The following ADGRA2 variants were observed in gnomAD, a reference collection of about 807,000 sequenced individuals.
ADGRA2 encodes the protein adhesion G protein-coupled receptor A2, also known as G-protein coupled receptor 124.
A neutral mutation model predicts 98.7 loss-of-function variants in ADGRA2; 61 were observed. The observed-to-expected ratio is 0.62, with a 90% CI of 0.50 to 0.76. The LOEUF (loss-of-function observed/expected upper bound fraction) is 0.76. ADGRA2 is among the 30% of genes least tolerant of loss of function. The pLI is 0.00. For missense variants in ADGRA2, 1,712 were observed against 1,860.0 expected (o/e 0.92, Z 1.46); for synonymous variants, 858 against 831.5 (o/e 1.03, Z -0.55).
rs1388423431 is a variant in ADGRA2, at chr8:37,797,096, A to T, written c.-173A>T. 1 of 293,796 alleles carries T rather than the reference A, an allele frequency of 3.4e-6. No individual in the cohort carries two copies. The highest frequency in any genetic ancestry group is 5.7e-6 in the Non-Finnish European group (1 of 174,712). 18.2% of individuals were successfully genotyped at this position (293,796 alleles called of 1,614,324 possible). A position where few individuals can be genotyped will look rare whatever the true frequency, so the allele number is the denominator to read the frequency against. ...CTCCCCGCCGGGGCGCTCGCAGGAC[A>T]TGCCCCCGGGGCGCGGCGGCGGGGA... On this transcript the variant is annotated 5_prime_UTR_variant, in exon 1 of 19. The change abolishes an upstream ATG in the 5' untranslated region. Transcript: ENST00000412232. The surrounding 1 kb of genome is among the most constrained non-coding windows in gnomAD (Gnocchi z 5.3).
intron 2 of ADGRA2, among the ~76,000 whole-genome samples, chr8:37,824,207 T>G (rs368305726): frequency 6.6e-6 from 1 of 152,040 alleles, no homozygotes; most frequent in East Asian, 1.9e-4. Flanking sequence ...AATTTTTGTA[T>G]TTTTAGTAGA....
In ADGRA2 at chr8:37,839,109, C is replaced by T. The variant is rs116703180; in HGVS notation, c.2387+26C>T. ...GTGGGTGCTCCTGCAGGAGGGAGGG[C>T]GTGGTGGGCAGGCATGGAAGGGGCC... On this transcript the variant is annotated intron_variant, in intron 15 of 18. Coordinates refer to ENST00000412232, the MANE Select transcript of ADGRA2 (RefSeq NM_032777.10). 1.5e-3 allele frequency: 2,409 copies of T among 1,605,802 alleles called. 28 individuals carry two copies. In the African/African-American group the frequency reaches 0.028, roughly 19 times the overall value.
chr8:37,842,554 A>G lies in ADGRA2; in HGVS notation c.*199A>G. The G allele has an allele frequency of 1.1e-6, 1 of 913,204 alleles. No individual in the cohort carries two copies. Among genetic ancestry groups the G allele is most frequent in the African/African-American group, 1.7e-5 (1 of 57,252 alleles). 56.6% of individuals were successfully genotyped at this position (913,204 alleles called of 1,614,324 possible). A position where few individuals can be genotyped will look rare whatever the true frequency, so the allele number is the denominator to read the frequency against. On this transcript the variant is annotated 3_prime_UTR_variant, in exon 19 of 19. Coordinates refer to ENST00000412232, the MANE Select transcript of ADGRA2 (RefSeq NM_032777.10). ...GACAGACAATCCCAGAAACACGCATAATACATTTCCGTCCAGCCCGGGGCA... is the reference window on the plus strand; with the variant it reads ...GACAGACAATCCCAGAAACACGCATGATACATTTCCGTCCAGCCCGGGGCA...
chr8:37,831,851 G>C (rs1805464053), intron 8 of ADGRA2, among the ~76,000 whole-genome samples: 1 of 152,210 alleles, frequency 6.6e-6, no homozygotes, highest in Admixed American at 6.5e-5. Context: ...GATCATCTGA[G>C]GTCAGGAGAT....
chr8:37,809,133 C>T (rs990451344), intron 1 of ADGRA2, among the ~76,000 whole-genome samples: 2 of 151,946 alleles, frequency 1.3e-5, no homozygotes, highest in African/African-American at 2.4e-5. Context: ...TCTACAAAAA[C>T]ATTTTTTTTT....
chr8:37,837,429 T>C (rs897401066), intron 13 of ADGRA2, among the ~76,000 whole-genome samples: 3 of 143,788 alleles, frequency 2.1e-5, no homozygotes, highest in African/African-American at 7.7e-5. Context: ...TTCTTGTCCC[T>C]GAGCCCCCGC....
chr8:37,828,454 G>A (rs550965038), intron 2 of ADGRA2, among the ~76,000 whole-genome samples: 362 of 151,408 alleles, frequency 2.4e-3, no homozygotes, highest in Non-Finnish European at 4.1e-3. Context: ...CCAGGGAGGC[G>A]GAGGAGGCCT....
intron 3 of ADGRA2, 76 bp from the exon 4 acceptor site, chr8:37,829,185 C>T: frequency 1.8e-6 from 2 of 1,113,542 alleles, no homozygotes; most frequent in Non-Finnish European, 1.4e-6. Flanking sequence ...GCCCTGGCCC[C>T]ACCCATGTGT....
chr8:37,844,114 G>A lies in ADGRA2; in HGVS notation c.*1759G>A. 4.3e-6 allele frequency: 1 copy of A among 231,458 alleles called. No individual in the cohort carries two copies. Among genetic ancestry groups the A allele is most frequent in the African/African-American group, 2.2e-5 (1 of 45,274 alleles). The allele number at this position is 231,458 out of a possible 1,614,324, so 14.3% of individuals were successfully genotyped here. A position where few individuals can be genotyped will look rare whatever the true frequency, so the allele number is the denominator to read the frequency against. On this transcript the variant is annotated 3_prime_UTR_variant, in exon 19 of 19. Transcript: ENST00000412232. Reference sequence around the variant, plus strand: ...CTCCTCTGAGGGTTGATACTGCTGGGAATGCCAACCACTCCACAAGCAGAG... The same window carrying A: ...CTCCTCTGAGGGTTGATACTGCTGGAAATGCCAACCACTCCACAAGCAGAG...
In ADGRA2 at chr8:37,814,833, T is replaced by C; in HGVS notation, c.267-63T>C. ...AGATGCAAGCTGGCCCCACCAGTGG[T>C]GAAAGCGGATGCCCAGCACATAACA... On this transcript the variant is annotated intron_variant, in intron 1 of 18. Transcript: ENST00000412232. This position sits in a 1 kb window ranked among gnomAD's most constrained non-coding sequence, Gnocchi z 4.3. 8.0e-7 allele frequency: 1 copy of C among 1,252,120 alleles called. No individual in the cohort carries two copies. The highest frequency in any genetic ancestry group is 1.7e-5 in the Admixed American group (1 of 59,126). The allele number at this position is 1,252,120 out of a possible 1,614,324, so 77.6% of individuals were successfully genotyped here.
chr8:37,808,898 T>C (rs2129923702), intron 1 of ADGRA2, among the ~76,000 whole-genome samples: 1 of 152,232 alleles, frequency 6.6e-6, no homozygotes, highest in African/African-American at 2.4e-5. Flanking sequence ...TATCTTGGCT[T>C]ACTGCAACCT....
chr8:37,811,764 C>T (rs1804839260), intron 1 of ADGRA2, among the ~76,000 whole-genome samples: 1 of 151,694 alleles, frequency 6.6e-6, no homozygotes, highest in South Asian at 2.1e-4. Flanking sequence ...GTGTGAGCCA[C>T]CGCACCTGGC....
At chr8:37,808,265 C>T (rs1804733227) in intron 1 of ADGRA2, among the ~76,000 whole-genome samples, 1 of 152,150 alleles carries the variant, frequency 6.6e-6, no homozygotes, top group Non-Finnish European at 1.5e-5. Flanking sequence ...AGAAAGAAGC[C>T]GAAGATGCCT....
rs1804363851 is a variant in ADGRA2 at position 37,797,459 on chromosome 8, G to A, written c.191G>A (p.Arg64Gln). 7.0e-7 allele frequency: 1 copy of A among 1,423,770 alleles called. No homozygotes were observed. The highest frequency in any genetic ancestry group is 1.6e-5 in the South Asian group (1 of 62,708). 88.2% of individuals were successfully genotyped at this position (1,423,770 alleles called of 1,614,324 possible). A position where few individuals can be genotyped will look rare whatever the true frequency, so the allele number is the denominator to read the frequency against. The change falls in exon 1 of 19, where the codon CGG (arginine) becomes CAG (glutamine). Residue 64 changes from arginine (R) to glutamine (Q), a missense_variant. Arg to Gln is a conservative substitution (Grantham distance 43). Coordinates refer to ENST00000412232, the MANE Select transcript of ADGRA2 (RefSeq NM_032777.10). This position sits in a 1 kb window ranked among gnomAD's most constrained non-coding sequence, Gnocchi z 5.3. ...GGCGGCGTCCCTGGCCCGGCTCGGC[G>A]GAGGGTGGTGTGCAGCGGCGGGGAC... ...LSGGVPGPAR[R>Q]RVVCSGGDLP... is the part of the protein sequence containing the mutation.
In ADGRA2 at chr8:37,797,943, T is replaced by C. The variant is rs756160703; in HGVS notation, c.266+409T>C. Among the ~76,000 whole-genome samples, 30 of 152,202 alleles carry C rather than the reference T, an allele frequency of 2.0e-4. No individual in the cohort carries two copies. Among genetic ancestry groups the C allele is most frequent in the Non-Finnish European group, 4.0e-4 (27 of 68,032 alleles). On this transcript the variant is annotated intron_variant, in intron 1 of 18. Coordinates refer to ENST00000412232, the MANE Select transcript of ADGRA2 (RefSeq NM_032777.10). The surrounding 1 kb of genome is among the most constrained non-coding windows in gnomAD (Gnocchi z 5.3). Reference sequence around the variant, plus strand: ...GTGGCCCAGGAGGGGGCTGTGGTCCTAACCACTACGGTCGCGTCCCGGACT... The same window carrying C: ...GTGGCCCAGGAGGGGGCTGTGGTCCCAACCACTACGGTCGCGTCCCGGACT...
chr8:37,798,757 C>A (rs1585958446), intron 1 of ADGRA2, among the ~76,000 whole-genome samples: 1 of 152,250 alleles, frequency 6.6e-6, no homozygotes, highest in South Asian at 2.1e-4. Flanking sequence ...TCAGAGGCTG[C>A]CCGCTTCCTG....
intron 2 of ADGRA2, among the ~76,000 whole-genome samples, chr8:37,824,537 A>G (rs1039734088): frequency 4.7e-5 from 6 of 128,330 alleles, no homozygotes; most frequent in African/African-American, 9.2e-5. Flanking sequence ...CTTGTTGCCC[A>G]GGCTGGAGTG....
At chr8:37,829,698 C>A in intron 5 of ADGRA2, 139 bp downstream of exon 5, 2 of 971,028 alleles carry the variant, frequency 2.1e-6, no homozygotes, top group Non-Finnish European at 3.3e-6. Context: ...CCCATGATCA[C>A]CTTCCCGCGA....
intron 8 of ADGRA2, 58 bp from the exon 9 acceptor site, chr8:37,832,952 G>A: frequency 7.4e-7 from 1 of 1,343,048 alleles, no homozygotes; most frequent in South Asian, 1.2e-5. Context: ...AAAGTCGGGA[G>A]AAGGGCTGTT....
Sources: gnomAD v4.1 joint callset for allele counts (sites outside exome capture counted in the v4.1 genomes callset) on GRCh38, gnomAD v4.1.1 for gene constraint, Gnocchi (gnomAD v3.1) non-coding constraint, MANE v1.5 for transcripts, NCBI Gene and HGNC (gene_info 2026-07-23, HGNC 2026-07-21) for gene names.